The following PIK3R3 variants were observed in gnomAD, a reference collection of about 807,000 sequenced individuals.
PIK3R3 encodes the protein phosphoinositide-3-kinase regulatory subunit 3, also known as phosphatidylinositol 3-kinase regulatory subunit gamma.
In PIK3R3, 64 loss-of-function variants were observed where a neutral mutation model predicts 62.9. The observed-to-expected ratio is 1.02, with a 90% CI of 0.83 to 1.25. The LOEUF is 1.25. Ranked by LOEUF, PIK3R3 falls within the 50% of genes most tolerant of loss-of-function variation. The probability of loss-of-function intolerance (pLI) is 0.00; values close to 1 mark genes in which losing one functional copy is unlikely to be tolerated. For missense variants in PIK3R3, 614 were observed against 561.6 expected, an observed-to-expected ratio of 1.09 and a Z score of -0.94; for synonymous variants, 165 against 189.0, an observed-to-expected ratio of 0.87 and a Z score of 1.04.
intron 1 of PIK3R3, among the ~76,000 whole-genome samples, chr1:46,114,626 G>A (rs1423745601): frequency 1.3e-5 from 2 of 151,956 alleles, no homozygotes; most frequent in Non-Finnish European, 2.9e-5. Context: ...TGTTTTTTGA[G>A]ATAGCATCTT....
intron 1 of PIK3R3, among the ~76,000 whole-genome samples, chr1:46,099,211 CAG>C (rs1450822341): frequency 6.6e-6 from 1 of 152,104 alleles, no homozygotes; most frequent in East Asian, 1.9e-4. Flanking sequence ...TAATTTAAAA[CAG>C]AATTTTATCA....
intron 1 of PIK3R3, among the ~76,000 whole-genome samples, chr1:46,108,359 G>A (rs1020726473): frequency 1.3e-5 from 2 of 152,110 alleles, no homozygotes; most frequent in Admixed American, 6.6e-5. Context: ...ATCTCTGAAC[G>A]AGGAGGATCA....
chr1:46,074,286 CAAA>C (rs1179172400), intron 3 of PIK3R3, among the ~76,000 whole-genome samples: 11 of 20,830 alleles, frequency 5.3e-4, no homozygotes, highest in African/African-American at 1.7e-3. Flanking sequence ...TAGACTCCGT[CAAA>C]AAAAAAAAAA....
chr1:46,120,803 C>T (rs1055571376), intron 1 of PIK3R3, among the ~76,000 whole-genome samples: 1 of 152,106 alleles, frequency 6.6e-6, no homozygotes, highest in Admixed American at 6.6e-5. Context: ...GATTGAGAAA[C>T]GTGATTAACC....
chr1:46,162,993 T>C, the PIK3R3 span, among the ~76,000 whole-genome samples: 1 of 152,236 alleles, frequency 6.6e-6, no homozygotes, highest in Non-Finnish European at 1.5e-5. Context: ...TCAAGTTTTC[T>C]ACAATGAACA....
intron 1 of PIK3R3, among the ~76,000 whole-genome samples, chr1:46,129,406 TTTATTTATTTA>T (rs1557640257): frequency 2.7e-4 from 22 of 80,284 alleles, no homozygotes; most frequent in South Asian, 2.6e-3. Flanking sequence ...GGGGATTTTA[TTTATTTATTTA>T]TTTATTTATT....
At chr1:46,047,583 G>T (rs1052045453) in intron 7 of PIK3R3, among the ~76,000 whole-genome samples, 4 of 152,122 alleles carry the variant, frequency 2.6e-5, no homozygotes, top group African/African-American at 9.7e-5. Flanking sequence ...GGAGTGGAAA[G>T]CATCTTCGTT....
intron 6 of PIK3R3, among the ~76,000 whole-genome samples, chr1:46,058,780 G>A (rs185365991): frequency 4.6e-4 from 70 of 152,320 alleles, no homozygotes; most frequent in African/African-American, 1.6e-3. Flanking sequence ...CTTATAGGCA[G>A]AAGAGACTTG....
Position 46,062,498 on chromosome 1 carries a change from C to A in PIK3R3, c.622-427G>T, listed in dbSNP as rs138516795. ...GCCGAGGCAGGAGAATTGCTTGAAC[C>A]CGGAAGGCAGAGGTTGCAGTGAGCT... On this transcript the variant is annotated intron_variant, in intron 5 of 9. Coordinates refer to ENST00000262741, the MANE Select transcript of PIK3R3 (RefSeq NM_003629.4). Among the ~76,000 whole-genome samples the A allele has an allele frequency of 5.8e-4, 88 of 152,228 alleles. 1 individual carries two copies. In the East Asian group the frequency reaches 0.016, roughly 28 times the overall value.
intron 1 of PIK3R3, among the ~76,000 whole-genome samples, chr1:46,082,880 A>T (rs1650731500): frequency 1.3e-5 from 2 of 152,042 alleles, no homozygotes; most frequent in South Asian, 4.2e-4. Flanking sequence ...GGAGTTTGAG[A>T]CCAGCCTGGC....
chr1:46,158,075 C>T, the PIK3R3 span, among the ~76,000 whole-genome samples: 1 of 152,198 alleles, frequency 6.6e-6, no homozygotes, highest in Non-Finnish European at 1.5e-5. Flanking sequence ...TTCATCAGTA[C>T]TCACTATGAC....
chr1:46,065,807 A>G (rs988770508), intron 5 of PIK3R3, among the ~76,000 whole-genome samples: 2 of 152,240 alleles, frequency 1.3e-5, no homozygotes, highest in Non-Finnish European at 2.9e-5. Flanking sequence ...CACATGAAAG[A>G]AAACTAAATT....
Position 46,042,613 on chromosome 1 carries a change from G to A in PIK3R3, c.*1060C>T, listed in dbSNP as rs1647016670. The A allele has an allele frequency of 4.5e-6, 1 of 222,158 alleles. No individual in the cohort carries two copies. The highest frequency in any genetic ancestry group is 2.2e-5 in the African/African-American group (1 of 44,778). 13.8% of individuals were successfully genotyped at this position (222,158 alleles called of 1,614,324 possible). On this transcript the variant is annotated 3_prime_UTR_variant, in exon 10 of 10. Transcript: ENST00000262741. This position sits in a 1 kb window ranked among gnomAD's most constrained non-coding sequence, Gnocchi z 4.3. ...TTAAACCATGTTTACTATTTCTGCA[G>A]GGCCTTTAAACTTGGGGAAGCACAT...
At chr1:46,077,852 C>T (rs1448028847) in intron 2 of PIK3R3, among the ~76,000 whole-genome samples, 1 of 152,164 alleles carries the variant, frequency 6.6e-6, no homozygotes, top group Middle Eastern at 3.2e-3. Context: ...TTAAACTCTT[C>T]CAGATTTCAA....
rs547844700 is a variant in PIK3R3, at chr1:46,046,714, C to T, written c.942-89G>A. On this transcript the variant is annotated intron_variant, in intron 7 of 9. Coordinates refer to ENST00000262741, the MANE Select transcript of PIK3R3 (RefSeq NM_003629.4). ...TCTGAGCCAACTAAACTTCTAGAGT[C>T]TAGACACCTCTTGTTTTTCCTAATC... 3.6e-6 allele frequency: 3 copies of T among 823,494 alleles called. No individual in the cohort carries two copies. In the South Asian group the frequency reaches 4.5e-5, roughly 12 times the overall value. 51.0% of individuals were successfully genotyped at this position (823,494 alleles called of 1,614,324 possible).
At chr1:46,147,494 T>C in the PIK3R3 span, among the ~76,000 whole-genome samples, 2 of 152,224 alleles carry the variant, frequency 1.3e-5, no homozygotes, top group African/African-American at 4.8e-5. Context: ...CTCGGCTCAC[T>C]ACAAGCTCTG....
At chr1:46,143,655 T>A in the PIK3R3 span, among the ~76,000 whole-genome samples, 21 of 146,080 alleles carry the variant, frequency 1.4e-4, no homozygotes, top group African/African-American at 2.5e-4. Context: ...AGAAAAAAAA[T>A]TTTTTTTTTT....
intron 7 of PIK3R3, among the ~76,000 whole-genome samples, chr1:46,050,242 A>G (rs150707610): frequency 0.01 from 1,536 of 152,076 alleles, 12 homozygotes; most frequent in Non-Finnish European, 0.018. Flanking sequence ...AAGAAAAATC[A>G]CTTATAAAAA....
At chr1:46,107,204 G>T (rs1557617200) in intron 1 of PIK3R3, among the ~76,000 whole-genome samples, 1 of 152,008 alleles carries the variant, frequency 6.6e-6, no homozygotes, top group Non-Finnish European at 1.5e-5. Flanking sequence ...ACAAAAATTA[G>T]CCAGGCATGG....
Sources: gnomAD v4.1 joint callset for allele counts (sites outside exome capture counted in the v4.1 genomes callset) on GRCh38, gnomAD v4.1.1 for gene constraint, Gnocchi (gnomAD v3.1) non-coding constraint, MANE v1.5 for transcripts, NCBI Gene and HGNC (gene_info 2026-07-23, HGNC 2026-07-21) for gene names.